STAC2: variants seen among roughly 807,000 people sequenced by gnomAD.
STAC2 encodes the protein SH3 and cysteine-rich domain-containing protein 2.
STAC2 carries 36 observed loss-of-function variants against 49.0 expected under a neutral mutation model. The ratio of observed to expected loss-of-function variants is 0.74; its 90% CI spans 0.56 to 0.97. The LOEUF is 0.97. STAC2 is among the 50% of genes least tolerant of loss of function. The probability of loss-of-function intolerance (pLI) is 0.00; values close to 1 mark genes in which losing one functional copy is unlikely to be tolerated. For missense variants in STAC2, 527 were observed against 543.8 expected (o/e 0.97, Z 0.31); for synonymous variants, 239 against 214.7 (o/e 1.11, Z -0.99).
At chr17:39,220,481 T>A (rs777224233) in intron 1 of STAC2, among the ~76,000 whole-genome samples, 2 of 105,630 alleles carry the variant, frequency 1.9e-5, no homozygotes, top group Non-Finnish European at 4.1e-5. Flanking sequence ...GCCTAGATAC[T>A]CTTTTTTTTT....
At chr17:39,213,989 T>G (rs2046378257) in intron 8 of STAC2, among the ~76,000 whole-genome samples, 1 of 152,118 alleles carries the variant, frequency 6.6e-6, no homozygotes, top group African/African-American at 2.4e-5. Context: ...GAGAGGATTC[T>G]TGATGCCCTC....
At chr17:39,218,886 C>T (rs181099885) in intron 1 of STAC2, among the ~76,000 whole-genome samples, 4 of 152,244 alleles carry the variant, frequency 2.6e-5, no homozygotes, top group Non-Finnish European at 5.9e-5. Flanking sequence ...CCTGTGTTCT[C>T]GAACAGGCTG....
At chr17:39,224,534 C>G (rs1221984119) in intron 1 of STAC2, among the ~76,000 whole-genome samples, 1 of 152,250 alleles carries the variant, frequency 6.6e-6, no homozygotes, top group African/African-American at 2.4e-5. Flanking sequence ...CCTCCCCACA[C>G]CCCTTTCAGC....
chr17:39,214,470 C>T (rs1597731487), intron 7 of STAC2, 140 bp from the exon 8 acceptor site: 3 of 1,477,390 alleles, frequency 2.0e-6, no homozygotes, highest in East Asian at 4.9e-5. Flanking sequence ...AAGTGAGACC[C>T]TCGTACATGC....
intron 7 of STAC2, 88 bp downstream of exon 7, chr17:39,214,703 G>T: frequency 6.9e-7 from 1 of 1,459,374 alleles, no homozygotes; most frequent in Non-Finnish European, 9.4e-7. Context: ...CACGCACCAT[G>T]CTCTTGCCCC....
chr17:39,217,767 T>C lies in STAC2; in HGVS notation c.397+100A>G, dbSNP rs561773208. ...GAGGCACAATTAGTATTGGGGCTCC[T>C]GAACAGCAAGAGCCCAATAATATTG... On this transcript the variant is annotated intron_variant, in intron 2 of 10. Transcript: ENST00000333461. The C allele has an allele frequency of 1.3e-4, 161 of 1,251,574 alleles. 1 individual carries two copies. The Admixed American group carries it at 1.8e-3, about 14-fold the overall frequency. 77.5% of individuals were successfully genotyped at this position (1,251,574 alleles called of 1,614,324 possible). A position where few individuals can be genotyped will look rare whatever the true frequency, so the allele number is the denominator to read the frequency against.
rs1242219779 is a variant in STAC2 at position 39,225,461 on chromosome 17, C to T, written c.42G>A (p.Ala14=). The stretch of plus-strand genomic sequence containing the variant: ...CGGTCCCTGGGGGGCTGTGGGTGGC[C>T]GCGTCATCCGGTTCGTTCTCCTTCT... ...MSEKENEPDD[A]ATHSPPGTVS... Residue 14 remains alanine, a synonymous_variant, in exon 1 of 11, where the codon GCG becomes GCA. Transcript: ENST00000333461. This position sits in a 1 kb window ranked among gnomAD's most constrained non-coding sequence, Gnocchi z 8.2. 1 of 1,609,916 alleles carries T rather than the reference C, an allele frequency of 6.2e-7. No individual in the cohort carries two copies. Among genetic ancestry groups the T allele is most frequent in the South Asian group, 1.1e-5 (1 of 91,026 alleles).
At chr17:39,216,932 G>T (rs1378451979) in intron 3 of STAC2, 32 bp from the exon 4 acceptor site, 2 of 1,585,574 alleles carry the variant, frequency 1.3e-6, no homozygotes, top group Non-Finnish European at 1.7e-6. Context: ...AGGTTTTGAG[G>T]AGGTCATGGC....
intron 1 of STAC2, among the ~76,000 whole-genome samples, chr17:39,221,189 A>T (rs2046459287): frequency 4.1e-5 from 6 of 146,076 alleles, no homozygotes. Context: ...TCCACCTCCC[A>T]GGTTCAAGCG....
intron 10 of STAC2, among the ~76,000 whole-genome samples, chr17:39,212,681 G>T (rs1318562271): frequency 6.6e-6 from 1 of 152,184 alleles, no homozygotes; most frequent in East Asian, 1.9e-4. Flanking sequence ...GGAGGGAAAA[G>T]GACTTGCCTC....
In STAC2 at chr17:39,225,926, GTCC is replaced by G. The variant is rs1490283511; in HGVS notation, c.-427_-425del. ...CGGCACCCGGCGGCCCCTCCGCCCA[GTCC>G]TCGCCGCCCAACTTTGATTTAGGAG... On this transcript the variant is annotated 5_prime_UTR_variant, in exon 1 of 11. Coordinates refer to ENST00000333461, the MANE Select transcript of STAC2 (RefSeq NM_198993.5). This position sits in a 1 kb window ranked among gnomAD's most constrained non-coding sequence, Gnocchi z 8.2. The G allele has an allele frequency of 4.6e-6, 1 of 219,422 alleles. No individual in the cohort carries two copies. The highest frequency in any genetic ancestry group is 2.4e-5 in the African/African-American group (1 of 41,830). The allele number at this position is 219,422 out of a possible 1,614,324, so 13.6% of individuals were successfully genotyped here.
rs143601278 is a variant in STAC2, at chr17:39,213,036, C to T, written c.1090G>A (p.Gly364Arg). ...CTCATGTAACCCTGTTCCTTGTTCC[C>T]GGAGAAGGGTTGGCAGCAGCGCCAA... ...NVWRCCQPFS[G>R]NKEQGYMSLK... Residue 364 changes from glycine to arginine, a missense_variant, in exon 10 of 11, where the codon GGG becomes AGG. Gly to Arg is a moderately radical substitution (Grantham distance 125). Transcript: ENST00000333461. 19 of 1,613,870 alleles carry T rather than the reference C, an allele frequency of 1.2e-5. No individual in the cohort carries two copies. The highest frequency in any genetic ancestry group is 1.7e-5 in the Admixed American group (1 of 60,000).
chr17:39,220,954 G>A (rs13342078), intron 1 of STAC2, among the ~76,000 whole-genome samples: 7,787 of 145,372 alleles, frequency 0.054, 649 homozygotes, highest in African/African-American at 0.19. Flanking sequence ...CCGCCACCAC[G>A]CCTGGCTAAT....
Position 39,211,779 on chromosome 17 carries a change from C to T in STAC2, c.*513G>A, listed in dbSNP as rs891048545. 4 of 152,570 alleles carry T rather than the reference C, an allele frequency of 2.6e-5. No individual in the cohort carries two copies. Among genetic ancestry groups the T allele is most frequent in the African/African-American group, 9.7e-5 (4 of 41,316 alleles). The allele number at this position is 152,570 out of a possible 1,614,324, so 9.5% of individuals were successfully genotyped here. A position where few individuals can be genotyped will look rare whatever the true frequency, so the allele number is the denominator to read the frequency against. ...CAGGACCTTCCTATGGTCCTGGGTC[C>T]CCTCCCCACCAAGGGTGGAGGGCCG... is the stretch of plus-strand genomic sequence containing the variant. On this transcript the variant is annotated 3_prime_UTR_variant, in exon 11 of 11. Coordinates refer to ENST00000333461, the MANE Select transcript of STAC2 (RefSeq NM_198993.5).
At chr17:39,223,694 A>G (rs1321583476) in intron 1 of STAC2, among the ~76,000 whole-genome samples, 1 of 152,114 alleles carries the variant, frequency 6.6e-6, no homozygotes, top group Admixed American at 6.5e-5. Flanking sequence ...GCTGGAGAGG[A>G]CAGGCCTTGG....
chr17:39,213,672 CTTTTTTTTTTTTT>C (rs767714627), intron 8 of STAC2, 114 bp from the exon 9 acceptor site: 6 of 373,802 alleles, frequency 1.6e-5, no homozygotes, highest in Non-Finnish European at 2.8e-5. Flanking sequence ...AGAGACGATT[CTTTTTTTTTTTTT>C]TTTTTTTTTA....
chr17:39,225,683 G>A lies in STAC2; in HGVS notation c.-181C>T, dbSNP rs2046507313. On this transcript the variant is annotated 5_prime_UTR_variant, in exon 1 of 11. Transcript: ENST00000333461. This position sits in a 1 kb window ranked among gnomAD's most constrained non-coding sequence, Gnocchi z 8.2. ...GGCAGAGAAAGTTGCCGGGGTGGCG[G>A]GCGAGGGGAGGCCACCACGCTGAGC... 7 of 640,612 alleles carry A rather than the reference G, an allele frequency of 1.1e-5. No individual in the cohort carries two copies. In the East Asian group the frequency reaches 2.0e-4, roughly 18 times the overall value. 39.7% of individuals were successfully genotyped at this position (640,612 alleles called of 1,614,324 possible).
At chr17:39,213,407 T>C (rs914935584) in intron 9 of STAC2, 100 bp downstream of exon 9, 36 of 1,449,530 alleles carry the variant, frequency 2.5e-5, no homozygotes, top group Middle Eastern at 1.9e-4. Context: ...GGAGAGGTTG[T>C]CTTTGGGGCC....
At chr17:39,213,450 G>C in intron 9 of STAC2, 57 bp downstream of exon 9, 24 of 1,600,392 alleles carry the variant, frequency 1.5e-5, no homozygotes, top group Non-Finnish European at 2.1e-5. Flanking sequence ...CCCATTGGGG[G>C]TGGGGGCTGC....
Sources: allele counts gnomAD v4.1 joint callset (sites outside exome capture counted in the v4.1 genomes callset), GRCh38; gene constraint gnomAD v4.1.1; non-coding constraint Gnocchi (gnomAD v3.1); transcripts MANE v1.5; gene names NCBI Gene and HGNC (gene_info 2026-07-23, HGNC 2026-07-21).